Variants in LARGE1 observed in about 807,000 individuals in gnomAD.
LARGE1 encodes the protein LARGE xylosyl- and glucuronyltransferase 1.
In LARGE1, 43 loss-of-function variants were observed where a neutral mutation model predicts 87.6. The ratio of observed to expected loss-of-function variants is 0.49; its 90% confidence interval spans 0.38 to 0.63. The LOEUF (loss-of-function observed/expected upper bound fraction) is 0.63, where lower values mean the gene tolerates loss of function less well. Among genes scored for constraint, LARGE1 ranks in the 30% least tolerant of loss-of-function variants. LARGE1 has a pLI of 0.00. For missense variants in LARGE1, 802 were observed against 1,000.2 expected, an observed-to-expected ratio of 0.80 and a Z score of 2.67; for synonymous variants, 434 against 394.6, an observed-to-expected ratio of 1.10 and a Z score of -1.18.
intron 3 of LARGE1, among the ~76,000 whole-genome samples, chr22:33,650,068 G>C (rs1027446122): frequency 6.6e-6 from 1 of 152,094 alleles, no homozygotes; most frequent in African/African-American, 2.4e-5. Context: ...GAAACCCTGC[G>C]CATGTCAAAA....
rs2239746 is a variant in LARGE1 at position 33,604,189 on chromosome 22, T to C, written c.615+246A>G. Among the ~76,000 whole-genome samples the C allele has an allele frequency of 0.26, 40,111 of 152,102 alleles. 5,492 individuals are homozygous for C. Among genetic ancestry groups the C allele is most frequent in the South Asian group, 0.31 (1,508 of 4,818 alleles). On this transcript the variant is annotated intron_variant, in intron 5 of 14. Transcript: ENST00000397394. The stretch of plus-strand genomic sequence containing the variant: ...TTCAGATTATACACCAGGCCAATGC[T>C]CTCCAGCGTCTCCAGAAAGCCTTGG...
chr22:33,676,838 T>C (rs1287114031), intron 2 of LARGE1, among the ~76,000 whole-genome samples: 2 of 152,142 alleles, frequency 1.3e-5, no homozygotes, highest in South Asian at 2.1e-4. Context: ...CAGACACATG[T>C]AGAGAGCAAG....
rs554911563 is a variant in LARGE1 at position 33,895,882 on chromosome 22, A to G, written c.-83+24113T>C. ...CAGGAGATGAGGATCATGAGGGCCA[A>G]CTTAGAGTCTGCCTGCCAGAGATAC... On this transcript the variant is annotated intron_variant, in intron 1 of 14. Transcript: ENST00000397394. Among the ~76,000 whole-genome samples the G allele has an allele frequency of 2.2e-4, 34 of 152,344 alleles. No homozygotes were observed. In the Middle Eastern group the frequency reaches 0.017, roughly 76 times the overall value.
At chr22:33,779,958 A>G (rs1203279296) in intron 1 of LARGE1, among the ~76,000 whole-genome samples, 1 of 152,128 alleles carries the variant, frequency 6.6e-6, no homozygotes, top group East Asian at 1.9e-4. Flanking sequence ...GGGTGGCTTA[A>G]ACAGCAGAAA....
chr22:33,454,002 G>A (rs1356012161), intron 6 of LARGE1, among the ~76,000 whole-genome samples: 2 of 152,116 alleles, frequency 1.3e-5, no homozygotes, highest in Non-Finnish European at 2.9e-5. Flanking sequence ...ATTAGGCAAG[G>A]CAGAGAGAAG....
chr22:33,785,235 A>G (rs565349085), intron 1 of LARGE1, among the ~76,000 whole-genome samples: 1 of 151,584 alleles, frequency 6.6e-6, no homozygotes, highest in Non-Finnish European at 1.5e-5. Context: ...ATGTGTATAC[A>G]TACATATGTG....
intron 11 of LARGE1, among the ~76,000 whole-genome samples, chr22:33,307,083 AC>A (rs1935015931): frequency 6.6e-6 from 1 of 152,120 alleles, no homozygotes. Flanking sequence ...TTCTGCCAGG[AC>A]CTGAACAACT....
intron 2 of LARGE1, among the ~76,000 whole-genome samples, chr22:33,757,436 C>T (rs554670231): frequency 4.6e-5 from 7 of 152,258 alleles, no homozygotes; most frequent in Admixed American, 1.3e-4. Flanking sequence ...CTTCATTTCA[C>T]GTCGGAAGAA....
chr22:33,536,550 A>T (rs1036207798), intron 6 of LARGE1, among the ~76,000 whole-genome samples: 2 of 152,266 alleles, frequency 1.3e-5, no homozygotes, highest in Non-Finnish European at 2.9e-5. Context: ...AGACAAGTCA[A>T]CAAGCATTTT....
intron 10 of LARGE1, among the ~76,000 whole-genome samples, chr22:33,327,178 A>T (rs916745554): frequency 4.6e-5 from 7 of 152,164 alleles, no homozygotes; most frequent in Non-Finnish European, 1.0e-4. Context: ...ATGCCATACA[A>T]TGTTATAGAA....
At chr22:33,113,841 C>T in the LARGE1 span, among the ~76,000 whole-genome samples, 2 of 151,820 alleles carry the variant, frequency 1.3e-5, no homozygotes, top group South Asian at 2.1e-4. Context: ...TAGCCGTGTG[C>T]CTCAGCTCCT....
At chr22:33,329,758 G>C (rs1468236365) in intron 10 of LARGE1, among the ~76,000 whole-genome samples, 4 of 151,992 alleles carry the variant, frequency 2.6e-5, no homozygotes, top group Non-Finnish European at 5.9e-5. Flanking sequence ...TGTCCAAATT[G>C]GTTAAAACCC....
chr22:33,809,760 AG>A (rs1449613462), intron 1 of LARGE1, among the ~76,000 whole-genome samples: 1 of 152,190 alleles, frequency 6.6e-6, no homozygotes, highest in East Asian at 1.9e-4. Context: ...GATATTTTAT[AG>A]TTTTCCATAC....
chr22:33,598,466 T>C (rs911057935), intron 5 of LARGE1, among the ~76,000 whole-genome samples: 6 of 152,220 alleles, frequency 3.9e-5, no homozygotes, highest in Non-Finnish European at 8.8e-5. Context: ...GGTGGTTTAC[T>C]GCACCCATCA....
rs758666451 is a variant in LARGE1 at position 33,307,901 on chromosome 22, G to A, written c.1452-3394C>T. Among the ~76,000 whole-genome samples, 9 of 151,862 alleles carry A rather than the reference G, an allele frequency of 5.9e-5. No homozygotes were observed. The East Asian group carries it at 1.6e-3, about 26-fold the overall frequency. Reference sequence around the variant, plus strand: ...CATGTGTTCCCTAAGGGTCGTCCCCGTGCAGTTCTTGCTGATGCCAAGCTC... The same window carrying A: ...CATGTGTTCCCTAAGGGTCGTCCCCATGCAGTTCTTGCTGATGCCAAGCTC... On this transcript the variant is annotated intron_variant, in intron 11 of 14. Transcript: ENST00000397394.
chr22:33,272,182 G>A (rs1928301306), downstream of LARGE1, among the ~76,000 whole-genome samples: 1 of 152,302 alleles, frequency 6.6e-6, no homozygotes, highest in South Asian at 2.1e-4. Context: ...CTACCATCAG[G>A]TTTTCACTTG....
chr22:33,856,058 T>C (rs1003597649), intron 1 of LARGE1, among the ~76,000 whole-genome samples: 2 of 152,200 alleles, frequency 1.3e-5, no homozygotes, highest in African/African-American at 2.4e-5. Flanking sequence ...CGCTGGCACC[T>C]GGGCGATGAC....
intron 6 of LARGE1, among the ~76,000 whole-genome samples, chr22:33,465,155 T>C (rs985127326): frequency 6.6e-6 from 1 of 152,218 alleles, no homozygotes; most frequent in East Asian, 1.9e-4. Flanking sequence ...TGGCGCGACA[T>C]TGATGCATCT....
chr22:33,556,600 T>G (rs9607056), intron 6 of LARGE1, among the ~76,000 whole-genome samples: 934 of 37,064 alleles, frequency 0.025, 18 homozygotes, highest in South Asian at 0.031. Flanking sequence ...GGCAGGCAGG[T>G]AGGGAGGCAG....
Sources: gnomAD v4.1 joint callset for allele counts (sites outside exome capture counted in the v4.1 genomes callset) on GRCh38, gnomAD v4.1.1 for gene constraint, MANE v1.5 for transcripts, NCBI Gene and HGNC (gene_info 2026-07-23, HGNC 2026-07-21) for gene names.